MASP1: variants seen among roughly 807,000 people sequenced by gnomAD.
The protein encoded by MASP1 is MBL associated serine protease 1.
In MASP1, 59 loss-of-function variants were observed where a neutral mutation model predicts 77.1. The observed-to-expected ratio is 0.77, with a 90% CI of 0.62 to 0.95. MASP1 has a LOEUF of 0.95. MASP1 is among the 40% of genes least tolerant of loss of function. The pLI is 0.00. For missense variants in MASP1, 885 were observed against 912.9 expected, an observed-to-expected ratio of 0.97 and a Z score of 0.39; for synonymous variants, 362 against 354.5, an observed-to-expected ratio of 1.02 and a Z score of -0.24.
chr3:187,240,105 T>C (rs192887626), intron 10 of MASP1, among the ~76,000 whole-genome samples: 2 of 144,746 alleles, frequency 1.4e-5, no homozygotes, highest in Admixed American at 1.4e-4. Context: ...TCCGCCATGA[T>C]TGTGAGGCCC....
chr3:187,229,970 C>T, downstream of MASP1: 1 of 1,568,662 alleles, frequency 6.4e-7, no homozygotes, highest in Non-Finnish European at 8.7e-7. Flanking sequence ...GAGCTCCCAG[C>T]TCCTCACCCT....
rs555631126 is a variant in MASP1, at chr3:187,225,132, G to A, written c.1741+192C>T. On this transcript the variant is annotated intron_variant, in intron 13 of 15. Coordinates refer to the MASP1 transcript ENST00000337774. ...TCTATCTGGACCCTTAGGTCTGACT[G>A]TTTACTATGTGCTTCCCACAACTTT... 2.6e-4 allele frequency among the ~76,000 whole-genome samples: 40 copies of A among 152,330 alleles called. No homozygotes were observed. The South Asian group carries it at 8.3e-3, about 32-fold the overall frequency.
At chr3:187,265,361 G>C (rs1300886009) in intron 2 of MASP1, among the ~76,000 whole-genome samples, 1 of 152,174 alleles carries the variant, frequency 6.6e-6, no homozygotes, top group Non-Finnish European at 1.5e-5. Context: ...ACTACTGAGG[G>C]TCTGTGATAA....
intron 9 of MASP1, 131 bp from the exon 10 acceptor site, chr3:187,241,686 A>T (rs1713653940): frequency 1.4e-6 from 1 of 694,460 alleles, no homozygotes; most frequent in Admixed American, 2.0e-5. Context: ...ATCTAGGCTC[A>T]GATACGATTG....
chr3:187,219,272 A>C (rs1405969721), exon 16 of MASP1: 2 of 152,154 alleles, frequency 1.3e-5, no homozygotes, highest in Non-Finnish European at 2.9e-5. Context: ...GGACCCTTTG[A>C]GATGAGGGAG....
rs140030409 is a variant in MASP1, at chr3:187,236,194, C to T, written c.1677G>A (p.Leu559=). ...NYNHDIALVQ[L]QEPVPLGPHV... The stretch of plus-strand genomic sequence containing the variant: ...GGGGTCCCAGGGGCACAGGCTCCTG[C>T]AGCTGCACCAGAGCTATATCGTGGT... Residue 559 remains leucine (L), a synonymous_variant, in exon 11 of 11, where the codon CTG becomes CTA. Transcript: ENST00000296280. 3.1e-6 allele frequency: 5 copies of T among 1,614,038 alleles called. No individual in the cohort carries two copies. Among genetic ancestry groups the T allele is most frequent in the African/African-American group, 2.7e-5 (2 of 74,946 alleles).
intron 2 of MASP1, among the ~76,000 whole-genome samples, chr3:187,278,220 A>G (rs1356664556): frequency 6.6e-6 from 1 of 152,230 alleles, no homozygotes; most frequent in Non-Finnish European, 1.5e-5. Context: ...AGTGGAGGCA[A>G]GACTTGACGC....
At chr3:187,222,519 A>G (rs1158477964) in intron 14 of MASP1, among the ~76,000 whole-genome samples, 4 of 152,214 alleles carry the variant, frequency 2.6e-5, no homozygotes, top group Admixed American at 2.6e-4. Flanking sequence ...CGGTGATATC[A>G]GAGCCAAGCA....
rs922059004 is a variant in MASP1 at position 187,234,726 on chromosome 3, T to G, written c.*958A>C. The G allele has an allele frequency of 7.8e-7, 1 of 1,287,154 alleles. No homozygotes were observed. The highest frequency in any genetic ancestry group is 1.0e-6 in the Non-Finnish European group (1 of 988,702). The allele number at this position is 1,287,154 out of a possible 1,614,324, so 79.7% of individuals were successfully genotyped here. A position where few individuals can be genotyped will look rare whatever the true frequency, so the allele number is the denominator to read the frequency against. On this transcript the variant is annotated 3_prime_UTR_variant, in exon 11 of 11. Coordinates refer to ENST00000296280, the MANE Select transcript of MASP1 (RefSeq NM_139125.4). ...GCCCACCCCACTCTTTCTTCCATTT[T>G]CCTGCCCAAAAGCACAGCAGGACAC...
At chr3:187,287,471 A>C (rs1337828947) in intron 1 of MASP1, among the ~76,000 whole-genome samples, 2 of 152,198 alleles carry the variant, frequency 1.3e-5, no homozygotes, top group Non-Finnish European at 2.9e-5. Context: ...ATCACATTGC[A>C]CTACGTTAGA....
intron 5 of MASP1, among the ~76,000 whole-genome samples, chr3:187,254,560 G>A (rs1481037283): frequency 6.6e-6 from 1 of 152,122 alleles, no homozygotes; most frequent in Non-Finnish European, 1.5e-5. Flanking sequence ...AGAGATTTAG[G>A]TTTAATTTCA....
At chr3:187,243,365 A>G in intron 9 of MASP1, 119 bp downstream of exon 9, 1 of 1,029,012 alleles carries the variant, frequency 9.7e-7, no homozygotes, top group Admixed American at 1.7e-5. Flanking sequence ...GTTTTGCATT[A>G]TCAGGCTCTA....
chr3:187,248,260 A>G (rs1273372307), intron 8 of MASP1, among the ~76,000 whole-genome samples: 1 of 152,204 alleles, frequency 6.6e-6, no homozygotes, highest in Non-Finnish European at 1.5e-5. Context: ...AATGTTTCCT[A>G]CTTTCCAAAA....
chr3:187,241,658 A>G (rs1272341026), intron 9 of MASP1, 103 bp from the exon 10 acceptor site: 7 of 792,102 alleles, frequency 8.8e-6, no homozygotes, highest in Admixed American at 3.7e-5. Flanking sequence ...GAGTTATTAC[A>G]AAGTCCTCCA....
At position 187,234,917 on chromosome 3, in the gene MASP1, C is replaced by A. The variant is rs1421475950; in HGVS notation, c.*767G>T. On this transcript the variant is annotated 3_prime_UTR_variant, in exon 11 of 11. Coordinates refer to ENST00000296280, the MANE Select transcript of MASP1 (RefSeq NM_139125.4). Reference sequence around the variant, plus strand: ...GGTGTCAGCTGGTGTTCCAGGGTGGCATATGGGCCCAAATGTGTTCTGAGT... The same window carrying A: ...GGTGTCAGCTGGTGTTCCAGGGTGGAATATGGGCCCAAATGTGTTCTGAGT... 2.3e-6 allele frequency: 3 copies of A among 1,287,050 alleles called. No individual in the cohort carries two copies. Among genetic ancestry groups the A allele is most frequent in the African/African-American group, 1.5e-5 (1 of 65,798 alleles). The allele number at this position is 1,287,050 out of a possible 1,614,324, so 79.7% of individuals were successfully genotyped here. A position where few individuals can be genotyped will look rare whatever the true frequency, so the allele number is the denominator to read the frequency against.
chr3:187,241,217 T>A (rs1713607232), intron 10 of MASP1, among the ~76,000 whole-genome samples: 1 of 152,152 alleles, frequency 6.6e-6, no homozygotes, highest in Non-Finnish European at 1.5e-5. Context: ...ATGCAAACTG[T>A]GTTATATGAA....
Position 187,234,575 on chromosome 3 carries a change from T to A in MASP1, c.*1109A>T. On this transcript the variant is annotated 3_prime_UTR_variant, in exon 11 of 11. Coordinates refer to ENST00000296280, the MANE Select transcript of MASP1 (RefSeq NM_139125.4). ...TCACTGCCTGCCATGGGTGAGCCTC[T>A]GATTCCTTTGACTCTGAAAAATGAA... 7.8e-7 allele frequency: 1 copy of A among 1,287,266 alleles called. No individual in the cohort carries two copies. Among genetic ancestry groups the A allele is most frequent in the Non-Finnish European group, 1.0e-6 (1 of 988,692 alleles). The allele number at this position is 1,287,266 out of a possible 1,614,324, so 79.7% of individuals were successfully genotyped here.
Position 187,250,300 on chromosome 3 carries a change from A to C in MASP1, c.1041T>G (p.Ile347Met), listed in dbSNP as rs771910273. 22 of 1,613,788 alleles carry C rather than the reference A, an allele frequency of 1.4e-5. 1 individual carries two copies. In the South Asian group the frequency reaches 2.2e-4, roughly 16 times the overall value. The part of the protein sequence containing the change: ...KDNVEMDTFQ[I>M]ECLKDGTWSN... ...TCCACGTCCCATCCTTCAGACACTC[A>C]ATCTGGAATGTGTCCATCTCCACAT... Residue 347 changes from isoleucine (I) to methionine (M), a missense_variant, in exon 8 of 11, where the codon ATT becomes ATG. Coordinates refer to ENST00000296280, the MANE Select transcript of MASP1 (RefSeq NM_139125.4).
chr3:187,247,234 G>T lies in MASP1; in HGVS notation c.1090+3017C>A, dbSNP rs191487026. 9.3e-6 allele frequency: 15 copies of T among 1,606,780 alleles called. No homozygotes were observed. The African/African-American group carries it at 1.3e-4, about 14-fold the overall frequency. On this transcript the variant is annotated intron_variant, in intron 8 of 10. Coordinates refer to ENST00000296280, the MANE Select transcript of MASP1 (RefSeq NM_139125.4). Reference sequence around the variant, plus strand: ...TTCTAATCCACATGGAAAGGGGCACGGGGGTGTTGTGGGTGGGGAGGGGTG... The same window carrying T: ...TTCTAATCCACATGGAAAGGGGCACTGGGGTGTTGTGGGTGGGGAGGGGTG...
Sources: gnomAD v4.1 joint callset for allele counts (sites outside exome capture counted in the v4.1 genomes callset) on GRCh38, gnomAD v4.1.1 for gene constraint, MANE v1.5 for transcripts, NCBI Gene and HGNC (gene_info 2026-07-23, HGNC 2026-07-21) for gene names.